FBXL17: variants seen among roughly 807,000 people sequenced by gnomAD.
The protein encoded by FBXL17 is F-box/LRR-repeat protein 17.
Under a neutral mutation model 66.2 loss-of-function variants are expected in FBXL17, and 22 were observed. The ratio of observed to expected loss-of-function variants is 0.33; its 90% CI spans 0.24 to 0.47. The LOEUF (loss-of-function observed/expected upper bound fraction) is 0.47, where lower values mean the gene tolerates loss of function less well. FBXL17 is among the 20% of genes least tolerant of loss of function. The pLI is 1.00. For missense variants in FBXL17, 878 were observed against 948.2 expected (o/e 0.93, Z 0.97); for synonymous variants, 474 against 400.5 (o/e 1.18, Z -2.19).
intron 6 of FBXL17, among the ~76,000 whole-genome samples, chr5:108,149,879 C>G (rs934298036): frequency 6.6e-6 from 1 of 152,158 alleles, no homozygotes; most frequent in African/African-American, 2.4e-5. Flanking sequence ...CAAAAGCTGA[C>G]AGCAGAGAAT....
At chr5:108,285,774 A>G (rs573721957) in intron 4 of FBXL17, among the ~76,000 whole-genome samples, 1 of 151,846 alleles carries the variant, frequency 6.6e-6, no homozygotes, top group Non-Finnish European at 1.5e-5. Context: ...TGGACTTTAC[A>G]ATAACCATAA....
At chr5:108,064,502 C>A (rs1474757590) in intron 6 of FBXL17, among the ~76,000 whole-genome samples, 3 of 152,068 alleles carry the variant, frequency 2.0e-5, no homozygotes, top group Non-Finnish European at 4.4e-5. Flanking sequence ...CTTTGCAGAG[C>A]CTCTCAATGG....
chr5:108,329,588 G>C (rs1760021398), intron 4 of FBXL17, among the ~76,000 whole-genome samples: 1 of 152,042 alleles, frequency 6.6e-6, no homozygotes, highest in African/African-American at 2.4e-5. Flanking sequence ...CATTACCCAA[G>C]TACTACCATA....
At chr5:108,090,653 T>A (rs1749152508) in intron 6 of FBXL17, among the ~76,000 whole-genome samples, 1 of 152,252 alleles carries the variant, frequency 6.6e-6, no homozygotes, top group Non-Finnish European at 1.5e-5. Context: ...TAGAATTCCA[T>A]ATAATTTTCA....
At chr5:108,249,571 C>T (rs1315593401) in intron 4 of FBXL17, among the ~76,000 whole-genome samples, 1 of 152,068 alleles carries the variant, frequency 6.6e-6, no homozygotes, top group Non-Finnish European at 1.5e-5. Context: ...TGCTCTGCAA[C>T]CTTTGAAAGG....
chr5:108,043,666 C>T (rs543957622), intron 6 of FBXL17, among the ~76,000 whole-genome samples: 2 of 152,238 alleles, frequency 1.3e-5, no homozygotes, highest in Admixed American at 6.5e-5. Flanking sequence ...AATGTATTCC[C>T]CCAACTTCAC....
At chr5:107,928,039 G>A (rs992300267) in intron 7 of FBXL17, among the ~76,000 whole-genome samples, 3 of 152,008 alleles carry the variant, frequency 2.0e-5, no homozygotes, top group Non-Finnish European at 4.4e-5. Context: ...GGCTACCCTA[G>A]GAAAGGAGGT....
At chr5:107,944,882 AT>A (rs1379396346) in intron 7 of FBXL17, among the ~76,000 whole-genome samples, 1 of 152,126 alleles carries the variant, frequency 6.6e-6, no homozygotes, top group Admixed American at 6.6e-5. Flanking sequence ...GGCCTTAAAA[AT>A]GCAAAATAGA....
At chr5:108,099,299 G>A (rs923320299) in intron 6 of FBXL17, among the ~76,000 whole-genome samples, 2 of 152,152 alleles carry the variant, frequency 1.3e-5, no homozygotes, top group African/African-American at 4.8e-5. Context: ...GCAGTATTTT[G>A]CCTCTATCCT....
chr5:108,263,244 C>T (rs543146645), intron 4 of FBXL17, among the ~76,000 whole-genome samples: 47 of 152,108 alleles, frequency 3.1e-4, no homozygotes, highest in African/African-American at 1.1e-3. Flanking sequence ...ACTATCAACA[C>T]GACTCAAACA....
At chr5:108,079,261 T>C (rs930247723) in intron 6 of FBXL17, among the ~76,000 whole-genome samples, 22 of 152,082 alleles carry the variant, frequency 1.4e-4, no homozygotes, top group African/African-American at 5.3e-4. Flanking sequence ...AGCTAGGTGA[T>C]TCTTAATGAG....
At chr5:108,276,946 T>A (rs978078009) in intron 4 of FBXL17, among the ~76,000 whole-genome samples, 7 of 152,116 alleles carry the variant, frequency 4.6e-5, no homozygotes, top group Admixed American at 3.3e-4. Flanking sequence ...AGGACTTTTT[T>A]TTTTCATTTA....
intron 6 of FBXL17, among the ~76,000 whole-genome samples, chr5:108,082,095 T>C (rs1748794448): frequency 6.6e-6 from 1 of 152,142 alleles, no homozygotes. Flanking sequence ...ATCCTACCTC[T>C]ATCCTGACAC....
intron 6 of FBXL17, among the ~76,000 whole-genome samples, chr5:108,068,556 A>G (rs890767840): frequency 6.6e-6 from 1 of 151,954 alleles, no homozygotes; most frequent in Non-Finnish European, 1.5e-5. Context: ...CCCGGGTTCA[A>G]GCGATTCTCC....
At chr5:108,084,790 A>G (rs1223726455) in intron 6 of FBXL17, among the ~76,000 whole-genome samples, 1 of 152,216 alleles carries the variant, frequency 6.6e-6, no homozygotes, top group Non-Finnish European at 1.5e-5. Context: ...TGTTTTGTAA[A>G]AAACCTAATA....
chr5:108,342,056 C>A (rs1016762157), intron 4 of FBXL17, among the ~76,000 whole-genome samples: 1 of 152,108 alleles, frequency 6.6e-6, no homozygotes, highest in Admixed American at 6.5e-5. Context: ...TTGTTTAATT[C>A]TTCGACACCT....
At chr5:107,923,035 T>C (rs1323858327) in intron 7 of FBXL17, among the ~76,000 whole-genome samples, 3 of 152,194 alleles carry the variant, frequency 2.0e-5, no homozygotes, top group African/African-American at 4.8e-5. Flanking sequence ...CTTGTTATAG[T>C]GGCAAAGCCC....
At chr5:108,240,475 T>C (rs1234903371) in intron 4 of FBXL17, among the ~76,000 whole-genome samples, 1 of 152,086 alleles carries the variant, frequency 6.6e-6, no homozygotes, top group Non-Finnish European at 1.5e-5. Context: ...CTCCTCTTCT[T>C]ATGGAAAGGG....
In FBXL17 at chr5:108,165,378, GTCTTT is replaced by G. The variant is rs1423892884; in HGVS notation, c.1745+20734_1745+20738del. On this transcript the variant is annotated intron_variant, in intron 6 of 8. Coordinates refer to ENST00000542267, the MANE Select transcript of FBXL17 (RefSeq NM_001163315.3). ...TCTCTGAATAGTGGGATTTTAAGTA[GTCTTT>G]TCTTTTAAAAAATATTTACTAAAAA... 4.6e-5 allele frequency among the ~76,000 whole-genome samples: 7 copies of G among 152,120 alleles called. 1 individual carries two copies. Among genetic ancestry groups the G allele is most frequent in the Non-Finnish European group, 1.0e-4 (7 of 68,026 alleles).
Sources: gnomAD v4.1 joint callset for allele counts (sites outside exome capture counted in the v4.1 genomes callset) on GRCh38, gnomAD v4.1.1 for gene constraint, MANE v1.5 for transcripts, NCBI Gene and HGNC (gene_info 2026-07-23, HGNC 2026-07-21) for gene names.